ZFAT: variants seen among roughly 807,000 people sequenced by gnomAD.
The protein encoded by ZFAT is zinc finger protein ZFAT.
A neutral mutation model predicts 117.7 loss-of-function variants in ZFAT; 64 were observed. That is an observed-to-expected ratio of 0.54 (90% CI 0.44 to 0.67). The LOEUF (loss-of-function observed/expected upper bound fraction) is 0.67, where lower values mean the gene tolerates loss of function less well. ZFAT is among the 30% of genes least tolerant of loss of function. The pLI is 0.00. For synonymous variants in ZFAT, 679 were observed against 615.0 expected (o/e 1.10, Z -1.54); for missense variants, 1,433 against 1,584.5 (o/e 0.90, Z 1.62).
At chr8:134,760,582 G>A in the ZFAT span, among the ~76,000 whole-genome samples, 1 of 152,166 alleles carries the variant, frequency 6.6e-6, no homozygotes, top group South Asian at 2.1e-4. Flanking sequence ...GTGGGGGTGT[G>A]AGTGTGCAGA....
upstream of ZFAT, among the ~76,000 whole-genome samples, chr8:134,716,416 G>A (rs745945625): frequency 4.6e-5 from 7 of 152,196 alleles, no homozygotes; most frequent in Non-Finnish European, 5.9e-5. Flanking sequence ...TTTTCCACCT[G>A]TCTTTCCAGT....
intron 8 of ZFAT, among the ~76,000 whole-genome samples, chr8:134,588,938 T>C (rs1158570106): frequency 3.3e-5 from 5 of 152,210 alleles, no homozygotes; most frequent in African/African-American, 7.2e-5. Context: ...TATTTGGAGA[T>C]GCATTTTAAA....
At chr8:134,756,653 T>C in the ZFAT span, among the ~76,000 whole-genome samples, 4 of 152,320 alleles carry the variant, frequency 2.6e-5, no homozygotes, top group Admixed American at 6.5e-5. Context: ...CTGTGGTCAG[T>C]GGCAGGGGCT....
intron 5 of ZFAT, among the ~76,000 whole-genome samples, chr8:134,605,707 G>A (rs1210977131): frequency 2.0e-5 from 3 of 152,182 alleles, no homozygotes; most frequent in African/African-American, 7.2e-5. Context: ...TTAAGAATGG[G>A]AAGCTGTTCG....
chr8:134,632,376 A>G (rs1041281558), intron 3 of ZFAT, among the ~76,000 whole-genome samples: 1 of 152,238 alleles, frequency 6.6e-6, no homozygotes, highest in African/African-American at 2.4e-5. Context: ...GGCCAACAGT[A>G]GATTATTACT....
intron 11 of ZFAT, among the ~76,000 whole-genome samples, chr8:134,552,620 C>G (rs998554411): frequency 6.6e-6 from 1 of 152,144 alleles, no homozygotes; most frequent in East Asian, 1.9e-4. Context: ...GGATGGTTTC[C>G]CTTGTGAAAG....
intron 11 of ZFAT, chr8:134,565,025 C>T: frequency 7.5e-7 from 1 of 1,337,810 alleles, no homozygotes. Flanking sequence ...AATACGTGTC[C>T]CTAAAGCCTG....
chr8:134,814,848 C>T, the ZFAT span, among the ~76,000 whole-genome samples: 1 of 152,166 alleles, frequency 6.6e-6, no homozygotes, highest in African/African-American at 2.4e-5. Context: ...AAATGAGCAA[C>T]AGAGAAGGCA....
chr8:134,584,029 T>A (rs1278854362), intron 9 of ZFAT, 24 bp from the exon 10 acceptor site: 10 of 1,546,324 alleles, frequency 6.5e-6, no homozygotes, highest in South Asian at 4.8e-5. Flanking sequence ...AATGTATATA[T>A]CTCTATATAT....
At chr8:134,600,758 T>C (rs1827363364) in intron 6 of ZFAT, 90 bp from the exon 7 acceptor site, 16 of 1,023,258 alleles carry the variant, frequency 1.6e-5, no homozygotes, top group Non-Finnish European at 2.1e-5. Context: ...ATCTACAATA[T>C]CTATCTCCCT....
chr8:134,534,967 C>G (rs1052877514), intron 11 of ZFAT, among the ~76,000 whole-genome samples: 4 of 152,202 alleles, frequency 2.6e-5, no homozygotes, highest in Non-Finnish European at 5.9e-5. Context: ...TCCTAGCAAA[C>G]AACTCCTGGG....
At position 134,512,622 on chromosome 8, in the gene ZFAT, T is replaced by G. The variant is rs750257305; in HGVS notation, c.3235-21A>C. 9.3e-6 allele frequency: 15 copies of G among 1,607,134 alleles called. No homozygotes were observed. The South Asian group carries it at 1.7e-4, about 18-fold the overall frequency. On this transcript the variant is annotated intron_variant, in intron 13 of 15. Coordinates refer to ENST00000377838, the MANE Select transcript of ZFAT (RefSeq NM_020863.4). Reference sequence around the variant, plus strand: ...GCTGTCTAAATAAAAACATAGTACCTAAGTCATCTCCTAAAAGATTGACTG... The same window carrying G: ...GCTGTCTAAATAAAAACATAGTACCGAAGTCATCTCCTAAAAGATTGACTG...
intron 1 of ZFAT, among the ~76,000 whole-genome samples, chr8:134,670,356 A>G (rs945121247): frequency 2.0e-5 from 3 of 152,258 alleles, no homozygotes; most frequent in African/African-American, 7.2e-5. Context: ...TTGGAAGTAA[A>G]GCACTCCTCA....
intron 1 of ZFAT, among the ~76,000 whole-genome samples, chr8:134,678,844 T>A (rs966616233): frequency 6.7e-6 from 1 of 150,006 alleles, no homozygotes; most frequent in Non-Finnish European, 1.5e-5. Context: ...GAGGAAAGGA[T>A]TCCCTATTTA....
intron 13 of ZFAT, among the ~76,000 whole-genome samples, chr8:134,520,655 C>T (rs998265666): frequency 2.0e-5 from 3 of 152,150 alleles, no homozygotes; most frequent in Admixed American, 1.3e-4. Context: ...CAAACTTTCA[C>T]AAGAGAGTCT....
intron 1 of ZFAT, among the ~76,000 whole-genome samples, chr8:134,666,106 C>G (rs998017457): frequency 2.0e-5 from 3 of 152,166 alleles, no homozygotes; most frequent in African/African-American, 7.2e-5. Flanking sequence ...ACTGGAGGCC[C>G]CATGGAGGGT....
At chr8:134,552,954 G>A (rs1586695748) in intron 11 of ZFAT, among the ~76,000 whole-genome samples, 1 of 152,322 alleles carries the variant, frequency 6.6e-6, no homozygotes, top group East Asian at 1.9e-4. Flanking sequence ...GCTTCACAGA[G>A]GAATGAGCCA....
chr8:134,497,927 C>T (rs565676422), intron 15 of ZFAT, among the ~76,000 whole-genome samples: 1 of 141,834 alleles, frequency 7.1e-6, no homozygotes, highest in East Asian at 2.1e-4. Context: ...CCGTGATGCC[C>T]CTGCTGCTGG....
intron 15 of ZFAT, among the ~76,000 whole-genome samples, chr8:134,508,901 A>G (rs1202647454): frequency 6.6e-6 from 1 of 152,168 alleles, no homozygotes; most frequent in Non-Finnish European, 1.5e-5. Context: ...CCTGGTTTTG[A>G]TGCATTTCCT....
Sources: gnomAD v4.1 joint callset for allele counts (sites outside exome capture counted in the v4.1 genomes callset) on GRCh38, gnomAD v4.1.1 for gene constraint, MANE v1.5 for transcripts, NCBI Gene and HGNC (gene_info 2026-07-23, HGNC 2026-07-21) for gene names.